Variants in PPP1R12B observed in about 807,000 individuals in gnomAD.
PPP1R12B encodes the protein protein phosphatase 1 regulatory subunit 12B.
A neutral mutation model predicts 126.1 loss-of-function variants in PPP1R12B; 76 were observed. That is an observed-to-expected ratio of 0.60 (90% CI 0.50 to 0.73). The LOEUF (loss-of-function observed/expected upper bound fraction) is 0.73, where lower values mean the gene tolerates loss of function less well. PPP1R12B is among the 30% of genes least tolerant of loss of function. The pLI, the probability that PPP1R12B is intolerant of heterozygous loss-of-function variation, is 0.00. For missense variants in PPP1R12B, 1,052 were observed against 1,205.1 expected, an observed-to-expected ratio of 0.87 and a Z score of 1.88; for synonymous variants, 356 against 434.7, an observed-to-expected ratio of 0.82 and a Z score of 2.25.
At chr1:202,438,155 G>A in intron 10 of PPP1R12B, 131 bp downstream of exon 10, 1 of 1,561,882 alleles carries the variant, frequency 6.4e-7, no homozygotes, top group Non-Finnish European at 8.6e-7. Flanking sequence ...TTTAAAGAGA[G>A]AGAGGCACAC....
At chr1:202,548,802 CTCTCTCTATATATATA>C (rs1489088811) in intron 18 of PPP1R12B, among the ~76,000 whole-genome samples, 9 of 95,438 alleles carry the variant, frequency 9.4e-5, no homozygotes, top group African/African-American at 2.1e-4. Context: ...CTCTCTCTCT[CTCTCTCTATATATATA>C]TATATATATA....
intron 9 of PPP1R12B, 44 bp from the exon 10 acceptor site, chr1:202,437,777 T>A: frequency 6.5e-7 from 1 of 1,527,628 alleles, no homozygotes; most frequent in Non-Finnish European, 8.9e-7. Context: ...GAAAGAATCA[T>A]CAGAGCCTTT....
chr1:202,371,460 G>A (rs1393057629), intron 1 of PPP1R12B, among the ~76,000 whole-genome samples: 2 of 151,346 alleles, frequency 1.3e-5, no homozygotes, highest in African/African-American at 2.4e-5. Context: ...GCACCTTTTC[G>A]CATATTTATT....
rs143887891 is a variant in PPP1R12B, at chr1:202,494,712, A to G, written c.2146-581A>G. On this transcript the variant is annotated intron_variant, in intron 15 of 23. Coordinates refer to ENST00000608999, the MANE Select transcript of PPP1R12B (RefSeq NM_002481.4). ...CAGAGCAAGACTCCGTCTCAAAAAAAAAAAGAAAAGAAAAGAAAAGAAAAC... is the reference window on the plus strand; with the variant it reads ...CAGAGCAAGACTCCGTCTCAAAAAAGAAAAGAAAAGAAAAGAAAAGAAAAC... Among the ~76,000 whole-genome samples the G allele has an allele frequency of 2.5e-3, 379 of 152,082 alleles. 3 individuals are homozygous for G. The highest frequency in any genetic ancestry group is 8.5e-3 in the African/African-American group (351 of 41,528).
chr1:202,377,668 G>A (rs1661421528), intron 1 of PPP1R12B, among the ~76,000 whole-genome samples: 1 of 152,048 alleles, frequency 6.6e-6, no homozygotes, highest in South Asian at 2.1e-4. Flanking sequence ...TTGGAGGAAG[G>A]AGGGATGAGT....
intron 23 of PPP1R12B, among the ~76,000 whole-genome samples, chr1:202,569,594 A>G (rs560389779): frequency 6.6e-6 from 1 of 152,328 alleles, no homozygotes; most frequent in East Asian, 1.9e-4. Flanking sequence ...GAGCATGGCC[A>G]TAAGCTTTCT....
intron 1 of PPP1R12B, among the ~76,000 whole-genome samples, chr1:202,363,021 A>T (rs144871641): frequency 3.8e-4 from 58 of 152,106 alleles, no homozygotes; most frequent in African/African-American, 1.2e-3. Flanking sequence ...GTTATTGGAG[A>T]TGGGGTTTCG....
chr1:202,580,486 C>G lies in PPP1R12B; in HGVS notation c.2875C>G (p.Leu959Val). The change falls in exon 24 of 24, where the codon CTG (leucine) becomes GTG (valine). Residue 959 changes from leucine (L) to valine (V), a missense_variant. Transcript: ENST00000608999. ...MEEEMKVLTE[L>V]KSDNQRLKDE... ...TGTCACCCTACAGGTGTTAACAGAA[C>G]TGAAATCCGACAACCAGAGGCTGAA... 1 of 1,613,750 alleles carries G rather than the reference C, an allele frequency of 6.2e-7. No homozygotes were observed. The highest frequency in any genetic ancestry group is 1.3e-5 in the African/African-American group (1 of 75,040).
At chr1:202,466,023 A>C (rs1007832129) in intron 13 of PPP1R12B, among the ~76,000 whole-genome samples, 23 of 152,244 alleles carry the variant, frequency 1.5e-4, no homozygotes, top group Non-Finnish European at 3.4e-4. Context: ...TATCTATTAC[A>C]AAAATACACC....
intron 1 of PPP1R12B, among the ~76,000 whole-genome samples, chr1:202,397,124 T>G (rs1329089717): frequency 6.6e-6 from 1 of 152,208 alleles, no homozygotes; most frequent in Admixed American, 6.5e-5. Context: ...AGCCATATTT[T>G]TCAAGACTTA....
intron 19 of PPP1R12B, among the ~76,000 whole-genome samples, chr1:202,560,939 C>T (rs1016136141): frequency 2.6e-5 from 4 of 151,974 alleles, no homozygotes; most frequent in Non-Finnish European, 5.9e-5. Flanking sequence ...GTGCAGTGCA[C>T]CAGCATGTCA....
chr1:202,464,604 A>G (rs927805076), intron 13 of PPP1R12B, among the ~76,000 whole-genome samples: 2 of 152,158 alleles, frequency 1.3e-5, no homozygotes, highest in African/African-American at 4.8e-5. Flanking sequence ...AAGAGAGGAT[A>G]CCTAGTTTAC....
intron 1 of PPP1R12B, among the ~76,000 whole-genome samples, chr1:202,407,344 C>T (rs1402501725): frequency 6.6e-6 from 1 of 152,112 alleles, no homozygotes; most frequent in Non-Finnish European, 1.5e-5. Context: ...TTCTCTGGTC[C>T]CAGCCTGTAA....
chr1:202,578,167 AT>A (rs969567867), intron 23 of PPP1R12B, among the ~76,000 whole-genome samples: 39 of 151,730 alleles, frequency 2.6e-4, no homozygotes, highest in African/African-American at 7.5e-4. Context: ...CCTTGTCCAA[AT>A]TTTTTTTTCA....
intron 20 of PPP1R12B, among the ~76,000 whole-genome samples, chr1:202,563,584 A>G (rs1303798224): frequency 6.6e-6 from 1 of 151,790 alleles, no homozygotes; most frequent in African/African-American, 2.4e-5. Context: ...TGTGCTTCTA[A>G]TAAGGTCCTG....
intron 18 of PPP1R12B, among the ~76,000 whole-genome samples, chr1:202,507,936 T>A (rs1681004571): frequency 6.6e-6 from 1 of 152,220 alleles, no homozygotes; most frequent in Non-Finnish European, 1.5e-5. Flanking sequence ...ATGTGGGATT[T>A]GAAGTCCTTT....
rs1553332292 is a variant in PPP1R12B, at chr1:202,588,872, T to TGATAGATAGATA, written c.*8312_*8313insGATAGATAGATA. 1 of 146,970 alleles carries TGATAGATAGATA rather than the reference T, an allele frequency of 6.8e-6. No individual in the cohort carries two copies. The highest frequency in any genetic ancestry group is 1.5e-5 in the Non-Finnish European group (1 of 67,054). 9.1% of individuals were successfully genotyped at this position (146,970 alleles called of 1,614,324 possible). A position where few individuals can be genotyped will look rare whatever the true frequency, so the allele number is the denominator to read the frequency against. On this transcript the variant is annotated 3_prime_UTR_variant, in exon 24 of 24. Coordinates refer to ENST00000608999, the MANE Select transcript of PPP1R12B (RefSeq NM_002481.4). ...ATAGATAGATAGATAGATAGATAGA[T>TGATAGATAGATA]ATCAAGGTTCCAAGCTTCAAGTAAC...
chr1:202,404,425 C>T (rs1666295694), intron 1 of PPP1R12B, among the ~76,000 whole-genome samples: 1 of 152,098 alleles, frequency 6.6e-6, no homozygotes, highest in African/African-American at 2.4e-5. Flanking sequence ...TTCAGATTCT[C>T]TTCATCGCTG....
rs139402597 is a variant in PPP1R12B, at chr1:202,416,836, G to C, written c.341G>C (p.Arg114Thr). Residue 114 changes from arginine (R) to threonine (T), a missense_variant, in exon 2 of 24, where the codon AGA becomes ACA. Transcript: ENST00000608999. Reference protein sequence around the residue: ...LDMVKFLVENRANVNQQDNEG... With the variant: ...LDMVKFLVENTANVNQQDNEG... ...ATGGTGAAGTTTCTGGTGGAGAACA[G>C]AGCCAATGTAAACCAGCAAGACAAC... 2.2e-5 allele frequency: 35 copies of C among 1,614,070 alleles called. No homozygotes were observed. In the African/African-American group the frequency reaches 4.4e-4, roughly 20 times the overall value.
Sources: gnomAD v4.1 joint callset for allele counts (sites outside exome capture counted in the v4.1 genomes callset) on GRCh38, gnomAD v4.1.1 for gene constraint, MANE v1.5 for transcripts, NCBI Gene and HGNC (gene_info 2026-07-23, HGNC 2026-07-21) for gene names.